The following PDLIM5 variants were observed in gnomAD, a reference collection of about 807,000 sequenced individuals.
PDLIM5 encodes PDZ and LIM domain protein 5.
Under a neutral mutation model 64.2 loss-of-function variants are expected in PDLIM5, and 34 were observed. The observed-to-expected ratio is 0.53, with a 90% CI of 0.40 to 0.71. PDLIM5 has a LOEUF of 0.71. PDLIM5 is among the 30% of genes least tolerant of loss of function. The pLI is 0.00. For missense variants in PDLIM5, 683 were observed against 733.6 expected (o/e 0.93, Z 0.80); for synonymous variants, 253 against 269.1 (o/e 0.94, Z 0.59).
intron 2 of PDLIM5, among the ~76,000 whole-genome samples, chr4:94,481,906 A>G (rs572156433): frequency 2.6e-5 from 4 of 151,904 alleles, no homozygotes; most frequent in South Asian, 2.1e-4. Context: ...ACCGTGGCCC[A>G]TTATTCCAGT....
intron 3 of PDLIM5, among the ~76,000 whole-genome samples, chr4:94,570,340 G>A (rs1361090370): frequency 6.6e-6 from 1 of 151,926 alleles, no homozygotes; most frequent in Non-Finnish European, 1.5e-5. Context: ...CTTTCTCTCT[G>A]TAGGAAAAAA....
intron 7 of PDLIM5, chr4:94,610,437 A>AT (rs1406872767): frequency 1.3e-5 from 6 of 446,248 alleles, no homozygotes; most frequent in African/African-American, 6.1e-5. Context: ...TGTAGTGCAT[A>AT]TTTTATCTAG....
rs1198620964 is a variant in PDLIM5 at position 94,665,976 on chromosome 4, T to G, written c.*1909T>G. 1 of 1,531,872 alleles carries G rather than the reference T, an allele frequency of 6.5e-7. No homozygotes were observed. 94.9% of individuals were successfully genotyped at this position (1,531,872 alleles called of 1,614,324 possible). A position where few individuals can be genotyped will look rare whatever the true frequency, so the allele number is the denominator to read the frequency against. On this transcript the variant is annotated 3_prime_UTR_variant, in exon 13 of 13. Transcript: ENST00000317968. Reference sequence around the variant, plus strand: ...GTGGATCCTGTTGCTATTTGCCCAGTGAGAAAACAGATTCTGGTATTTGAT... The same window carrying G: ...GTGGATCCTGTTGCTATTTGCCCAGGGAGAAAACAGATTCTGGTATTTGAT...
chr4:94,504,092 TAGAA>T (rs1193319587), intron 2 of PDLIM5, among the ~76,000 whole-genome samples: 1 of 152,218 alleles, frequency 6.6e-6, no homozygotes, highest in Non-Finnish European at 1.5e-5. Flanking sequence ...CACAGTCTAA[TAGAA>T]AGGTATTTTA....
At chr4:94,496,671 G>C (rs1000356210) in intron 2 of PDLIM5, among the ~76,000 whole-genome samples, 2 of 152,148 alleles carry the variant, frequency 1.3e-5, no homozygotes, top group South Asian at 4.1e-4. Context: ...TATATTTTTT[G>C]TAGAGACAGG....
Position 94,654,525 on chromosome 4 carries a change from A to G in PDLIM5, c.1349A>G (p.Lys450Arg), listed in dbSNP as rs373850074. The change falls in exon 10 of 13, where the codon AAA becomes AGA. Residue 450 changes from lysine to arginine, a missense_variant. Transcript: ENST00000317968. Reference protein sequence around the residue: ...HPEEFNCAHCKNTMAYIGFVE... With the variant: ...HPEEFNCAHCRNTMAYIGFVE... The stretch of plus-strand genomic sequence containing the variant: ...GAAGAATTCAACTGCGCTCACTGCA[A>G]AAATACAATGGCCTACATTGGATTT... 166 of 1,611,972 alleles carry G rather than the reference A, an allele frequency of 1.0e-4. No individual in the cohort carries two copies. The highest frequency in any genetic ancestry group is 1.1e-4 in the Non-Finnish European group (125 of 1,178,154).
chr4:94,550,241 A>G (rs1732694341), intron 3 of PDLIM5, among the ~76,000 whole-genome samples: 1 of 152,110 alleles, frequency 6.6e-6, no homozygotes, highest in Admixed American at 6.6e-5. Context: ...TTGCATATGG[A>G]TTATTTTTCT....
chr4:94,605,329 G>A lies in PDLIM5; in HGVS notation c.921-12675G>A, dbSNP rs921039149. On this transcript the variant is annotated intron_variant, in intron 7 of 12. Coordinates refer to ENST00000317968, the MANE Select transcript of PDLIM5 (RefSeq NM_006457.5). ...CTGGACAGATTGTTCACAAGGGTCCGTAATGAACAAGTGCAGAGATGGTGC... is the reference window on the plus strand; with the variant it reads ...CTGGACAGATTGTTCACAAGGGTCCATAATGAACAAGTGCAGAGATGGTGC... Among the ~76,000 whole-genome samples, 9 of 152,296 alleles carry A rather than the reference G, an allele frequency of 5.9e-5. No homozygotes were observed. In the East Asian group the frequency reaches 7.7e-4, roughly 13 times the overall value.
chr4:94,636,756 C>T (rs957661985), intron 8 of PDLIM5, among the ~76,000 whole-genome samples: 2 of 151,970 alleles, frequency 1.3e-5, no homozygotes, highest in Non-Finnish European at 2.9e-5. Context: ...AGGATGGTCT[C>T]GATCTCCTGA....
At chr4:94,654,731 T>G (rs546117134) in intron 10 of PDLIM5, 91 bp downstream of exon 10, 130 of 820,792 alleles carry the variant, frequency 1.6e-4, no homozygotes, top group Non-Finnish European at 2.4e-4. Context: ...ACTTTTTATT[T>G]TCTTCTTGCT....
At chr4:94,474,343 TG>T (rs1169137701) in intron 2 of PDLIM5, among the ~76,000 whole-genome samples, 2 of 152,130 alleles carry the variant, frequency 1.3e-5, no homozygotes, top group African/African-American at 4.8e-5. Context: ...CTCCGCCTCC[TG>T]GGTTCAAGTG....
chr4:94,653,730 CT>C (rs1312693378), intron 9 of PDLIM5, among the ~76,000 whole-genome samples: 1 of 152,140 alleles, frequency 6.6e-6, no homozygotes, highest in Non-Finnish European at 1.5e-5. Flanking sequence ...CTACATTGTA[CT>C]CTTAAAAATC....
At chr4:94,577,172 G>A in intron 5 of PDLIM5, 2 of 455,766 alleles carry the variant, frequency 4.4e-6, no homozygotes, top group South Asian at 1.6e-5. Context: ...GGAAGACAAA[G>A]GGAAATAGTC....
chr4:94,654,277 T>G (rs952416365), intron 9 of PDLIM5, among the ~76,000 whole-genome samples, 183 bp from the exon 10 acceptor site: 6 of 152,168 alleles, frequency 3.9e-5, no homozygotes, highest in Non-Finnish European at 5.9e-5. Flanking sequence ...TCCCGTTTTC[T>G]TTTCACATCA....
chr4:94,478,890 G>GTTTTTTTTTTTTTT lies in PDLIM5; in HGVS notation c.96+23520_96+23533dup, dbSNP rs67013211. On this transcript the variant is annotated intron_variant, in intron 2 of 12. Coordinates refer to ENST00000317968, the MANE Select transcript of PDLIM5 (RefSeq NM_006457.5). ...CCAAAAGAAGGTAGGTGTGCTTGGT[G>GTTTTTTTTTTTTTT]TTTTTTTTTTTTTTTTTTTTTTTTT... 1.3e-3 allele frequency among the ~76,000 whole-genome samples: 125 copies of GTTTTTTTTTTTTTT among 94,074 alleles called. 14 individuals are homozygous for GTTTTTTTTTTTTTT. Among genetic ancestry groups the GTTTTTTTTTTTTTT allele is most frequent in the African/African-American group, 5.4e-3 (120 of 22,346 alleles). 61.7% of individuals were successfully genotyped at this position (94,074 alleles called of 152,430 possible).
chr4:94,572,799 A>C (rs913758303), intron 3 of PDLIM5, among the ~76,000 whole-genome samples: 2 of 152,198 alleles, frequency 1.3e-5, no homozygotes, highest in Non-Finnish European at 2.9e-5. Context: ...TTAGCAAATT[A>C]AATGTATTAA....
intron 7 of PDLIM5, among the ~76,000 whole-genome samples, chr4:94,599,311 G>A (rs1188339297): frequency 6.6e-6 from 1 of 152,134 alleles, no homozygotes; most frequent in Non-Finnish European, 1.5e-5. Flanking sequence ...GCTGATAGGT[G>A]TATAGAAATA....
chr4:94,452,183 G>A (rs1722912073), intron 1 of PDLIM5, among the ~76,000 whole-genome samples, 188 bp downstream of exon 1: 1 of 152,256 alleles, frequency 6.6e-6, no homozygotes, highest in African/African-American at 2.4e-5. Flanking sequence ...AGCAGCTTGG[G>A]AAAAGGAGCG....
At position 94,666,398 on chromosome 4, in the gene PDLIM5, T is replaced by A. The variant is rs1743081561; in HGVS notation, c.*2331T>A. Reference sequence around the variant, plus strand: ...GCATCTTGGAGGGAGGCAGGAAATTTCTTTTGAAATAAAGTGCTGGAGCTG... The same window carrying A: ...GCATCTTGGAGGGAGGCAGGAAATTACTTTTGAAATAAAGTGCTGGAGCTG... On this transcript the variant is annotated 3_prime_UTR_variant, in exon 13 of 13. Coordinates refer to ENST00000317968, the MANE Select transcript of PDLIM5 (RefSeq NM_006457.5). The A allele has an allele frequency of 5.0e-6, 1 of 199,402 alleles. No homozygotes were observed. The highest frequency in any genetic ancestry group is 1.0e-5 in the Non-Finnish European group (1 of 98,994). The allele number at this position is 199,402 out of a possible 1,614,324, so 12.4% of individuals were successfully genotyped here. A position where few individuals can be genotyped will look rare whatever the true frequency, so the allele number is the denominator to read the frequency against.
Sources: allele counts gnomAD v4.1 joint callset (sites outside exome capture counted in the v4.1 genomes callset), GRCh38; gene constraint gnomAD v4.1.1; transcripts MANE v1.5; gene names NCBI Gene and HGNC (gene_info 2026-07-23, HGNC 2026-07-21).